CREB5: variants seen among roughly 807,000 people sequenced by gnomAD.
CREB5 encodes the protein cAMP responsive element binding protein 5.
CREB5 carries 19 observed loss-of-function variants against 57.1 expected under a neutral mutation model. That is an observed-to-expected ratio of 0.33 (90% CI 0.23 to 0.49). The LOEUF (loss-of-function observed/expected upper bound fraction) is 0.49. Ranked by LOEUF, CREB5 falls within the 20% of genes least tolerant of loss-of-function variation. The pLI, the probability that CREB5 is intolerant of heterozygous loss-of-function variation, is 0.99. For synonymous variants in CREB5, 238 were observed against 238.3 expected, an observed-to-expected ratio of 1.00 and a Z score of 0.01; for missense variants, 579 against 671.6, an observed-to-expected ratio of 0.86 and a Z score of 1.52.
Position 28,600,977 on chromosome 7 carries a change from A to G in CREB5, c.464+30440A>G, listed in dbSNP as rs543907429. Among the ~76,000 whole-genome samples, 10 of 152,156 alleles carry G rather than the reference A, an allele frequency of 6.6e-5. No individual in the cohort carries two copies. The East Asian group carries it at 1.7e-3, about 26-fold the overall frequency. ...GATCATGTCAACCAATATGAGTTTCATGTATTTTTCTTTTTTTTCTCTGTC... is the reference window on the plus strand; with the variant it reads ...GATCATGTCAACCAATATGAGTTTCGTGTATTTTTCTTTTTTTTCTCTGTC... On this transcript the variant is annotated intron_variant, in intron 5 of 10. Coordinates refer to ENST00000357727, the MANE Select transcript of CREB5 (RefSeq NM_182898.4).
At chr7:28,702,129 A>G (rs1801892931) in intron 5 of CREB5, among the ~76,000 whole-genome samples, 1 of 152,208 alleles carries the variant, frequency 6.6e-6, no homozygotes, top group East Asian at 1.9e-4. Context: ...TCTTCCTTAT[A>G]AGGAATAGCA....
intron 7 of CREB5, among the ~76,000 whole-genome samples, chr7:28,760,061 G>A (rs1353950509): frequency 6.6e-6 from 1 of 152,130 alleles, no homozygotes; most frequent in Non-Finnish European, 1.5e-5. Flanking sequence ...AAAGGTAGAC[G>A]CCAAGAGAAA....
intron 9 of CREB5, among the ~76,000 whole-genome samples, chr7:28,812,338 T>C (rs1166068978): frequency 6.6e-6 from 1 of 152,236 alleles, no homozygotes; most frequent in Admixed American, 6.5e-5. Flanking sequence ...AGTAAAGATG[T>C]CCACAGACTT....
At chr7:28,671,061 C>T (rs534359715) in intron 5 of CREB5, among the ~76,000 whole-genome samples, 4 of 151,854 alleles carry the variant, frequency 2.6e-5, no homozygotes, top group Admixed American at 6.6e-5. Flanking sequence ...GCAAGGAGTT[C>T]GAGACTAGCC....
At chr7:28,596,201 C>G (rs1190943332) in intron 5 of CREB5, among the ~76,000 whole-genome samples, 1 of 152,134 alleles carries the variant, frequency 6.6e-6, no homozygotes, top group African/African-American at 2.4e-5. Context: ...TCCCCTAAAT[C>G]AATTATGACG....
chr7:28,611,920 A>G (rs1011281156), intron 5 of CREB5, among the ~76,000 whole-genome samples: 5 of 152,130 alleles, frequency 3.3e-5, no homozygotes, highest in African/African-American at 1.2e-4. Flanking sequence ...TGACCTCCCT[A>G]AAGCAACAAA....
Position 28,804,182 on chromosome 7 carries a change from CT to C in CREB5, c.703-13del. ...TGACTTCAGTTGTTCTCTCTCCTCC[CT>C]TTTGTTCTGTTTCAGAGGTTGAAGG... On this transcript the variant is annotated splice_polypyrimidine_tract_variant and intron_variant, in intron 7 of 10. Coordinates refer to ENST00000357727, the MANE Select transcript of CREB5 (RefSeq NM_182898.4). The C allele has an allele frequency of 6.2e-7, 1 of 1,606,944 alleles. No homozygotes were observed. The highest frequency in any genetic ancestry group is 8.5e-7 in the Non-Finnish European group (1 of 1,174,254).
chr7:28,735,144 G>T (rs1262681188), intron 7 of CREB5, among the ~76,000 whole-genome samples: 1 of 151,438 alleles, frequency 6.6e-6, no homozygotes, highest in Non-Finnish European at 1.5e-5. Context: ...TTTTTTGTTT[G>T]TTTGGTATTA....
intron 7 of CREB5, among the ~76,000 whole-genome samples, chr7:28,802,082 A>G (rs887419010): frequency 6.9e-6 from 1 of 145,212 alleles, no homozygotes; most frequent in African/African-American, 2.5e-5. Context: ...CCATCTGAAA[A>G]AAAAAAAAAA....
chr7:28,326,229 A>G (rs1158871718), intron 1 of CREB5, among the ~76,000 whole-genome samples: 1 of 151,916 alleles, frequency 6.6e-6, no homozygotes, highest in Non-Finnish European at 1.5e-5. Context: ...ATCTTGAAAA[A>G]CATGAGTTCA....
At chr7:28,741,150 C>T (rs182131303) in intron 7 of CREB5, among the ~76,000 whole-genome samples, 566 of 152,244 alleles carry the variant, frequency 3.7e-3, no homozygotes, top group African/African-American at 0.013. Flanking sequence ...ACAAACACTT[C>T]CATTAAAAAC....
intron 1 of CREB5, among the ~76,000 whole-genome samples, chr7:28,324,803 G>C (rs1785553980): frequency 6.6e-6 from 1 of 152,094 alleles, no homozygotes; most frequent in Admixed American, 6.5e-5. Flanking sequence ...AAATTACCAT[G>C]GTCAAAACAG....
intron 4 of CREB5, among the ~76,000 whole-genome samples, chr7:28,517,563 T>TC (rs1258563936): frequency 1.3e-5 from 2 of 152,268 alleles, no homozygotes; most frequent in East Asian, 3.9e-4. Context: ...CGGTGGATTT[T>TC]CCCCCCTGAA....
At chr7:28,387,914 C>T (rs1346917297) in intron 1 of CREB5, among the ~76,000 whole-genome samples, 8 of 152,142 alleles carry the variant, frequency 5.3e-5, no homozygotes, top group Admixed American at 3.3e-4. Flanking sequence ...TAACATTTTA[C>T]ACTTGGTTAT....
intron 4 of CREB5, among the ~76,000 whole-genome samples, chr7:28,558,022 T>G (rs216737): frequency 6.6e-6 from 1 of 152,130 alleles, no homozygotes; most frequent in South Asian, 2.1e-4. Flanking sequence ...ACAGGATTTC[T>G]GGAAGTTTCT....
intron 4 of CREB5, among the ~76,000 whole-genome samples, chr7:28,566,076 C>A (rs953629366): frequency 2.6e-5 from 4 of 152,170 alleles, no homozygotes; most frequent in Non-Finnish European, 5.9e-5. Context: ...ATTTTGGATG[C>A]CTTTATTCAC....
chr7:28,657,525 T>G (rs1483301470), intron 5 of CREB5, among the ~76,000 whole-genome samples: 1 of 151,912 alleles, frequency 6.6e-6, no homozygotes, highest in Non-Finnish European at 1.5e-5. Flanking sequence ...GGTCAGGAGT[T>G]CGAGACCAGC....
intron 7 of CREB5, among the ~76,000 whole-genome samples, chr7:28,733,035 C>A (rs542174016): frequency 6.6e-6 from 1 of 151,978 alleles, no homozygotes; most frequent in African/African-American, 2.4e-5. Flanking sequence ...TACTTAGGTC[C>A]CAGACAATAA....
intron 7 of CREB5, among the ~76,000 whole-genome samples, chr7:28,757,774 T>A (rs1805414861): frequency 6.6e-6 from 1 of 152,188 alleles, no homozygotes; most frequent in Non-Finnish European, 1.5e-5. Context: ...CAGAAGTGTT[T>A]CAGATTTCAG....
Sources: gnomAD v4.1 joint callset for allele counts (sites outside exome capture counted in the v4.1 genomes callset) on GRCh38, gnomAD v4.1.1 for gene constraint, MANE v1.5 for transcripts, NCBI Gene and HGNC (gene_info 2026-07-23, HGNC 2026-07-21) for gene names.